The following RRBP1 variants were observed in gnomAD, a reference collection of about 807,000 sequenced individuals.
The protein encoded by RRBP1 is ribosome-binding protein 1.
A neutral mutation model predicts 165.2 loss-of-function variants in RRBP1; 94 were observed. The observed-to-expected ratio is 0.57, with a 90% CI of 0.48 to 0.68. The LOEUF is 0.68. RRBP1 is among the 30% of genes least tolerant of loss of function. The pLI, the probability that RRBP1 is intolerant of heterozygous loss-of-function variation, is 0.00. For missense variants in RRBP1, 1,676 were observed against 1,763.0 expected (o/e 0.95, Z 0.88); for synonymous variants, 680 against 714.5 (o/e 0.95, Z 0.77).
intron 11 of RRBP1, among the ~76,000 whole-genome samples, chr20:17,626,763 G>T (rs2036029217): frequency 6.6e-6 from 1 of 151,944 alleles, no homozygotes. Flanking sequence ...CCAGGTGTTG[G>T]CCGGCCTTAG....
chr20:17,636,553 G>A, intron 6 of RRBP1, 24 bp downstream of exon 6: 2 of 1,605,608 alleles, frequency 1.2e-6, no homozygotes. Context: ...CCCTTCCCAT[G>A]CCCCCGCCAG....
chr20:17,633,626 C>G lies in RRBP1; in HGVS notation c.2457-13G>C, dbSNP rs756378552. The G allele has an allele frequency of 6.2e-7, 1 of 1,612,978 alleles. No individual in the cohort carries two copies. Among genetic ancestry groups the G allele is most frequent in the South Asian group, 1.1e-5 (1 of 91,012 alleles). Reference sequence around the variant, plus strand: ...CTCTGCGTTCTGCCTGCAAGACAGTCACCAGCCCGACTAATGGAAAGAAAA... The same window carrying G: ...CTCTGCGTTCTGCCTGCAAGACAGTGACCAGCCCGACTAATGGAAAGAAAA... On this transcript the variant is annotated splice_polypyrimidine_tract_variant and intron_variant, in intron 7 of 24. Coordinates refer to ENST00000377813, the MANE Select transcript of RRBP1 (RefSeq NM_001365613.2).
chr20:17,649,075 G>A (rs1156410376), intron 3 of RRBP1, among the ~76,000 whole-genome samples: 1 of 152,082 alleles, frequency 6.6e-6, no homozygotes, highest in Non-Finnish European at 1.5e-5. Context: ...GCTTCCCTAG[G>A]GGATGTTTTT....
At chr20:17,632,652 C>G (rs995642231) in intron 8 of RRBP1, among the ~76,000 whole-genome samples, 2 of 85,346 alleles carry the variant, frequency 2.3e-5, no homozygotes, top group Non-Finnish European at 4.6e-5. Flanking sequence ...AGAAAAAGGG[C>G]CCTAAGCCCC....
intron 3 of RRBP1, among the ~76,000 whole-genome samples, chr20:17,653,770 G>A (rs1269092736): frequency 6.6e-6 from 1 of 150,644 alleles, no homozygotes; most frequent in East Asian, 2.0e-4. Context: ...AGAGGCAGAG[G>A]TTGCAGTGAG....
chr20:17,642,055 C>T (rs2036373109), intron 4 of RRBP1, 136 bp from the exon 5 acceptor site: 2 of 989,862 alleles, frequency 2.0e-6, no homozygotes, highest in South Asian at 3.2e-5. Flanking sequence ...CACTGGGACT[C>T]CAGATACTTG....
At chr20:17,649,761 T>G (rs544091674) in intron 3 of RRBP1, among the ~76,000 whole-genome samples, 122 of 152,168 alleles carry the variant, frequency 8.0e-4, no homozygotes, top group African/African-American at 2.8e-3. Context: ...GAACACGACT[T>G]GGGATTTTAG....
intron 7 of RRBP1, among the ~76,000 whole-genome samples, chr20:17,634,212 C>T (rs956992416): frequency 6.6e-6 from 1 of 152,230 alleles, no homozygotes; most frequent in African/African-American, 2.4e-5. Flanking sequence ...GATCAGGATG[C>T]CACTCCCTCA....
At position 17,620,484 on chromosome 20, in the gene RRBP1, C is replaced by T. The variant is rs1469985301; in HGVS notation, c.3508-114G>A. 14 of 990,176 alleles carry T rather than the reference C, an allele frequency of 1.4e-5. No homozygotes were observed. In the Admixed American group the frequency reaches 2.1e-4, roughly 15 times the overall value. 61.3% of individuals were successfully genotyped at this position (990,176 alleles called of 1,614,324 possible). A position where few individuals can be genotyped will look rare whatever the true frequency, so the allele number is the denominator to read the frequency against. ...CAACTTAGGAAGCCCCGGGGGTGCC[C>T]ACTCCGCCCAGCTGGGACGGTCACC... On this transcript the variant is annotated intron_variant, in intron 17 of 24. Transcript: ENST00000377813.
intron 7 of RRBP1, 91 bp from the exon 8 acceptor site, chr20:17,633,704 T>G: frequency 7.4e-7 from 1 of 1,357,322 alleles, no homozygotes; most frequent in South Asian, 1.4e-5. Flanking sequence ...AGCTCTCTTG[T>G]AAGTAAGCAG....
chr20:17,640,043 G>C (rs1337578428), intron 5 of RRBP1, among the ~76,000 whole-genome samples: 1 of 152,186 alleles, frequency 6.6e-6, no homozygotes, highest in Non-Finnish European at 1.5e-5. Context: ...AAAATACTCA[G>C]AAATGCTTCC....
At chr20:17,640,792 T>A (rs745878031) in intron 5 of RRBP1, among the ~76,000 whole-genome samples, 3 of 152,016 alleles carry the variant, frequency 2.0e-5, no homozygotes, top group Non-Finnish European at 4.4e-5. Flanking sequence ...CCAGTGAACT[T>A]CCCATCTGGC....
chr20:17,658,639 A>T lies in RRBP1; in HGVS notation c.1869T>A (p.Ala623=). The part of the protein sequence containing the change: ...AQSPEAPKQE[A]PAKKKSGSKK... The stretch of plus-strand genomic sequence containing the variant: ...TTGAACCAGACTTCTTCTTGGCAGG[A>T]GCCTCTTGCTTTGGTGCCTCTGGGC... The change falls in exon 3 of 25, where the codon GCT becomes GCA. Residue 623 remains alanine, a synonymous_variant. Coordinates refer to ENST00000377813, the MANE Select transcript of RRBP1 (RefSeq NM_001365613.2). The T allele has an allele frequency of 6.2e-7, 1 of 1,610,002 alleles. No individual in the cohort carries two copies. The highest frequency in any genetic ancestry group is 8.5e-7 in the Non-Finnish European group (1 of 1,178,410).
chr20:17,659,670 T>A lies in RRBP1; in HGVS notation c.838A>T (p.Lys280Ter). 1 of 1,550,412 alleles carries A rather than the reference T, an allele frequency of 6.4e-7. No individual in the cohort carries two copies. Among genetic ancestry groups the A allele is most frequent in the Non-Finnish European group, 8.7e-7 (1 of 1,146,944 alleles). Reference protein sequence around the residue: ...KKVDTTPNQGKKVEGAPTQGR... With the variant: ...KKVDTTPNQG ...TGGGTTGGGGCCCCCTCCACCTTTT[T>A]CCCCTGGTTTGGGGTTGTATCTACC... Residue 280 changes from lysine to a stop codon, truncating the protein, a stop_gained, in exon 3 of 25, where the codon AAA (lysine) becomes TAA (stop). Transcript: ENST00000377813. LOFTEE classifies it high-confidence loss of function.
At chr20:17,634,477 T>C (rs2036211123) in intron 7 of RRBP1, among the ~76,000 whole-genome samples, 1 of 152,140 alleles carries the variant, frequency 6.6e-6, no homozygotes, top group African/African-American at 2.4e-5. Flanking sequence ...AGGCCAAGGT[T>C]CAAGTGACCT....
At chr20:17,633,288 G>T (rs1189179518) in intron 8 of RRBP1, among the ~76,000 whole-genome samples, 172 bp downstream of exon 8, 2 of 152,194 alleles carry the variant, frequency 1.3e-5, no homozygotes, top group East Asian at 1.9e-4. Flanking sequence ...TACTACCAAG[G>T]AGACTAAGGT....
At chr20:17,660,948 C>T (rs1158969393) in intron 2 of RRBP1, among the ~76,000 whole-genome samples, 1 of 151,990 alleles carries the variant, frequency 6.6e-6, no homozygotes, top group East Asian at 1.9e-4. Context: ...TAAAATTAGA[C>T]AGTGACACTC....
chr20:17,627,281 C>T lies in RRBP1; in HGVS notation c.2963+67G>A. 5.2e-6 allele frequency: 8 copies of T among 1,548,992 alleles called. No homozygotes were observed. In the South Asian group the frequency reaches 5.9e-5, roughly 11 times the overall value. The stretch of plus-strand genomic sequence containing the variant: ...TGAGCACCCTCCTGAAAACCCTGGC[C>T]CCCCAAGGGTCTTTGGTCCCCCGGG... On this transcript the variant is annotated intron_variant, in intron 11 of 24. Transcript: ENST00000377813.
chr20:17,615,887 G>C, intron 22 of RRBP1, 39 bp downstream of exon 22: 1 of 1,560,428 alleles, frequency 6.4e-7, no homozygotes. Flanking sequence ...CAGGGCCCAG[G>C]GGCTGATGGG....
Sources: allele counts gnomAD v4.1 joint callset (sites outside exome capture counted in the v4.1 genomes callset), GRCh38; gene constraint gnomAD v4.1.1; transcripts MANE v1.5; gene names NCBI Gene and HGNC (gene_info 2026-07-23, HGNC 2026-07-21).